The following ONECUT1 variants were observed in gnomAD, a reference collection of about 807,000 sequenced individuals.
ONECUT1 encodes the protein hepatocyte nuclear factor 6.
Under a neutral mutation model 25.6 loss-of-function variants are expected in ONECUT1, and 12 were observed. The ratio of observed to expected loss-of-function variants is 0.47; its 90% CI spans 0.30 to 0.76. The LOEUF is 0.76. ONECUT1 is among the 30% of genes least tolerant of loss of function. The pLI is 0.07. For missense variants in ONECUT1, 620 were observed against 651.2 expected, an observed-to-expected ratio of 0.95 and a Z score of 0.52; for synonymous variants, 285 against 270.2, an observed-to-expected ratio of 1.05 and a Z score of -0.54.
chr15:52,759,125 C>T (rs376029209), intron 1 of ONECUT1, among the ~76,000 whole-genome samples: 3 of 152,142 alleles, frequency 2.0e-5, no homozygotes, highest in Non-Finnish European at 4.4e-5. Context: ...GGAAGATGGA[C>T]GGGGCATGCT....
At chr15:52,778,449 T>C (rs1328475962) in intron 1 of ONECUT1, among the ~76,000 whole-genome samples, 1 of 152,108 alleles carries the variant, frequency 6.6e-6, no homozygotes, top group African/African-American at 2.4e-5. Context: ...TGCCAAAGGG[T>C]AGAATTGCTA....
At chr15:52,765,998 T>C (rs1002273384) in intron 1 of ONECUT1, among the ~76,000 whole-genome samples, 6 of 152,154 alleles carry the variant, frequency 3.9e-5, no homozygotes, top group African/African-American at 1.4e-4. Flanking sequence ...CCAAACAACC[T>C]ACTGGACATG....
rs2083709330 is a variant in ONECUT1, at chr15:52,762,088, CTG to C, written c.1106-4243_1106-4242del. Among the ~76,000 whole-genome samples, 2 of 152,164 alleles carry C rather than the reference CTG, an allele frequency of 1.3e-5. 1 individual carries two copies. The highest frequency in any genetic ancestry group is 1.3e-4 in the Admixed American group (2 of 15,280). On this transcript the variant is annotated intron_variant, in intron 1 of 1. Coordinates refer to ENST00000305901, the MANE Select transcript of ONECUT1 (RefSeq NM_004498.4). ...CACTCACTCATGGGAAAGTAAATAA[CTG>C]AGCATTGGGTACAGACTTGACTTAT...
chr15:52,777,729 C>CAAAAAAAAA (rs1309303644), intron 1 of ONECUT1, among the ~76,000 whole-genome samples: 2 of 87,362 alleles, frequency 2.3e-5, no homozygotes, highest in African/African-American at 1.7e-4. Context: ...CACACACACA[C>CAAAAAAAAA]ACACACACAA....
At chr15:52,764,885 G>C (rs2083725259) in intron 1 of ONECUT1, among the ~76,000 whole-genome samples, 1 of 152,220 alleles carries the variant, frequency 6.6e-6, no homozygotes, top group South Asian at 2.1e-4. Flanking sequence ...TGTCTTGCCT[G>C]GATTTAGAAG....
intron 1 of ONECUT1, among the ~76,000 whole-genome samples, chr15:52,777,003 G>A: frequency 6.6e-6 from 1 of 152,202 alleles, no homozygotes; most frequent in East Asian, 1.9e-4. Context: ...CCCAGGTGAG[G>A]TCGATGTTGC....
In ONECUT1 at chr15:52,790,095, C is replaced by G. The variant is rs1217859153; in HGVS notation, c.-211G>C. ...TGTGTGTGTGTGTGTGTCTCGCCTT[C>G]CCTCTTACCCCCCACCTTCCCCTCT... On this transcript the variant is annotated 5_prime_UTR_variant, in exon 1 of 2. Transcript: ENST00000305901. The G allele has an allele frequency of 2.0e-5, 12 of 606,600 alleles. No homozygotes were observed. Among genetic ancestry groups the G allele is most frequent in the Admixed American group, 4.4e-5 (1 of 22,736 alleles). The allele number at this position is 606,600 out of a possible 1,614,324, so 37.6% of individuals were successfully genotyped here. A position where few individuals can be genotyped will look rare whatever the true frequency, so the allele number is the denominator to read the frequency against.
intron 1 of ONECUT1, among the ~76,000 whole-genome samples, chr15:52,758,914 A>C (rs1226636401): frequency 7.2e-5 from 11 of 152,064 alleles, no homozygotes; most frequent in Admixed American, 7.2e-4. Context: ...CTCCACCATC[A>C]ATCAATCCTC....
intron 1 of ONECUT1, among the ~76,000 whole-genome samples, chr15:52,766,969 C>A (rs568293841): frequency 1.3e-5 from 2 of 152,190 alleles, no homozygotes; most frequent in Non-Finnish European, 2.9e-5. Context: ...GAACCCTGGA[C>A]AAGGTTGCCT....
chr15:52,770,365 C>T (rs2083759341), intron 1 of ONECUT1, among the ~76,000 whole-genome samples: 8 of 152,250 alleles, frequency 5.3e-5, no homozygotes, highest in Admixed American at 5.2e-4. Context: ...AGAACCACTC[C>T]TCTAAATCAG....
Position 52,788,540 on chromosome 15 carries a change from C to T in ONECUT1, c.1105+240G>A, listed in dbSNP as rs1312631976. On this transcript the variant is annotated intron_variant, in intron 1 of 1. Transcript: ENST00000305901. This position sits in a 1 kb window ranked among gnomAD's most constrained non-coding sequence, Gnocchi z 4.3. ...CTGAGCGCAAATGAGCCTCTTCAGTCGCCGAGGCCCGGCCGCTTAGCTCTC... is the reference window on the plus strand; with the variant it reads ...CTGAGCGCAAATGAGCCTCTTCAGTTGCCGAGGCCCGGCCGCTTAGCTCTC... 2.0e-6 allele frequency: 1 copy of T among 495,862 alleles called. No individual in the cohort carries two copies. Among genetic ancestry groups the T allele is most frequent in the Middle Eastern group, 5.2e-4 (1 of 1,906 alleles). The allele number at this position is 495,862 out of a possible 1,614,324, so 30.7% of individuals were successfully genotyped here.
chr15:52,783,921 T>C (rs62023489), intron 1 of ONECUT1, among the ~76,000 whole-genome samples: 10,751 of 152,334 alleles, frequency 0.071, 502 homozygotes, highest in South Asian at 0.11. Flanking sequence ...ACCCTCTAGA[T>C]ATCCTTCTCT....
intron 1 of ONECUT1, among the ~76,000 whole-genome samples, chr15:52,782,078 C>T (rs960053409): frequency 6.6e-6 from 1 of 152,152 alleles, no homozygotes; most frequent in African/African-American, 2.4e-5. Context: ...GGTACATGTG[C>T]AGGATGTGCA....
chr15:52,774,584 G>A (rs914323309), intron 1 of ONECUT1, among the ~76,000 whole-genome samples: 4 of 152,126 alleles, frequency 2.6e-5, no homozygotes, highest in South Asian at 4.1e-4. Flanking sequence ...ACAGGCGTGA[G>A]CCACCGCACC....
intron 1 of ONECUT1, among the ~76,000 whole-genome samples, chr15:52,766,304 A>G (rs948543580): frequency 2.0e-5 from 3 of 149,572 alleles, no homozygotes; most frequent in Non-Finnish European, 3.0e-5. Context: ...GCTGGTTAGT[A>G]GGGGACTTGG....
chr15:52,772,631 A>T (rs1160150315), intron 1 of ONECUT1, among the ~76,000 whole-genome samples: 2 of 152,212 alleles, frequency 1.3e-5, no homozygotes, highest in Non-Finnish European at 2.9e-5. Flanking sequence ...ACTGAAGGGC[A>T]TCCCTGTGGG....
At chr15:52,778,202 G>A (rs949407992) in intron 1 of ONECUT1, among the ~76,000 whole-genome samples, 3 of 152,146 alleles carry the variant, frequency 2.0e-5, no homozygotes, top group Admixed American at 1.3e-4. Flanking sequence ...TAGAACATTA[G>A]TTGCCTTGTG....
At chr15:52,773,889 A>T (rs1355943991) in intron 1 of ONECUT1, among the ~76,000 whole-genome samples, 1 of 152,208 alleles carries the variant, frequency 6.6e-6, no homozygotes. Flanking sequence ...AGAGAGAAGG[A>T]AGGCTCTTGC....
At chr15:52,786,434 TG>T (rs2083875357) in intron 1 of ONECUT1, among the ~76,000 whole-genome samples, 1 of 152,222 alleles carries the variant, frequency 6.6e-6, no homozygotes, top group Non-Finnish European at 1.5e-5. Flanking sequence ...GCTTGGTGTT[TG>T]GTGCCAAATG....
Sources: allele counts gnomAD v4.1 joint callset (sites outside exome capture counted in the v4.1 genomes callset), GRCh38; gene constraint gnomAD v4.1.1; non-coding constraint Gnocchi (gnomAD v3.1); transcripts MANE v1.5; gene names NCBI Gene and HGNC (gene_info 2026-07-23, HGNC 2026-07-21).